TENT4B: variants seen among roughly 807,000 people sequenced by gnomAD.
TENT4B encodes PAP associated domain containing 5.
TENT4B carries 10 observed loss-of-function variants against 75.0 expected under a neutral mutation model. The ratio of observed to expected loss-of-function variants is 0.13; its 90% CI spans 0.08 to 0.23. The LOEUF is 0.23. Ranked by LOEUF, TENT4B falls within the 10% of genes least tolerant of loss-of-function variation. The probability of loss-of-function intolerance (pLI) is 1.00; values close to 1 mark genes in which losing one functional copy is unlikely to be tolerated. For synonymous variants in TENT4B, 350 were observed against 357.7 expected, an observed-to-expected ratio of 0.98 and a Z score of 0.24; for missense variants, 579 against 893.8, an observed-to-expected ratio of 0.65 and a Z score of 4.49.
At chr16:50,197,003 A>G (rs1462757083) in intron 1 of TENT4B, among the ~76,000 whole-genome samples, 6 of 151,660 alleles carry the variant, frequency 4.0e-5, no homozygotes, top group Non-Finnish European at 1.5e-5. Flanking sequence ...GCTACTTGGG[A>G]GGCTAAGTCA....
intron 11 of TENT4B, among the ~76,000 whole-genome samples, chr16:50,228,611 T>C (rs964197860): frequency 1.7e-4 from 14 of 82,374 alleles, no homozygotes; most frequent in Non-Finnish European, 3.1e-4. Context: ...ATAGGCCTCT[T>C]GGCTGTAACC....
In TENT4B at chr16:50,232,054, G is replaced by A. The variant is rs756780894; in HGVS notation, c.*2726G>A. The A allele has an allele frequency of 4.5e-4, 446 of 985,226 alleles. No individual in the cohort carries two copies. Among genetic ancestry groups the A allele is most frequent in the Non-Finnish European group, 5.2e-4 (429 of 829,886 alleles). The allele number at this position is 985,226 out of a possible 1,614,324, so 61.0% of individuals were successfully genotyped here. A position where few individuals can be genotyped will look rare whatever the true frequency, so the allele number is the denominator to read the frequency against. On this transcript the variant is annotated 3_prime_UTR_variant, in exon 12 of 12. Transcript: ENST00000561678. ...CTGGTGACATTTCTCAGGCAGTCAT[G>A]TATGTGTACCTGGCCATTAGAAATA...
chr16:50,223,262 A>G lies in TENT4B; in HGVS notation c.1256A>G (p.Asn419Ser), dbSNP rs768159823. The change falls in exon 7 of 12, where the codon AAT becomes AGT. Residue 419 changes from asparagine to serine, a missense_variant. This residue lies in a region of TENT4B where 71 missense variants were observed against 210.6 expected (regional missense o/e 0.34). Transcript: ENST00000561678. ...EFFELYGRHF[N>S]YLKTGIRIKD... ...TTTGAATTATATGGACGACACTTCA[A>G]TTATTTAAAGACTGGCATCCGGATA... 3 of 1,613,812 alleles carry G rather than the reference A, an allele frequency of 1.9e-6. No homozygotes were observed. The highest frequency in any genetic ancestry group is 2.5e-6 in the Non-Finnish European group (3 of 1,179,740).
At chr16:50,203,907 G>A (rs1339234068) in intron 1 of TENT4B, among the ~76,000 whole-genome samples, 2 of 152,330 alleles carry the variant, frequency 1.3e-5, no homozygotes, top group East Asian at 1.9e-4. Context: ...CCACGGGTAG[G>A]CCTGGTCTGC....
intron 1 of TENT4B, among the ~76,000 whole-genome samples, chr16:50,209,196 C>A (rs1250907336): frequency 7.9e-5 from 12 of 152,288 alleles, no homozygotes; most frequent in African/African-American, 2.9e-4. Context: ...TGCAGTTTTT[C>A]TATGGATCTG....
chr16:50,228,437 A>G (rs2032152458), intron 11 of TENT4B, among the ~76,000 whole-genome samples: 1 of 152,206 alleles, frequency 6.6e-6, no homozygotes, highest in Non-Finnish European at 1.5e-5. Context: ...GTTGATTAAC[A>G]TTAGCTTGGA....
At chr16:50,225,403 T>A in intron 10 of TENT4B, 118 bp downstream of exon 10, 1 of 951,832 alleles carries the variant, frequency 1.1e-6, no homozygotes, top group African/African-American at 1.6e-5. Flanking sequence ...TGGGATATTT[T>A]AATAACTTTC....
chr16:50,197,879 A>G (rs191844704), intron 1 of TENT4B, among the ~76,000 whole-genome samples: 2 of 152,148 alleles, frequency 1.3e-5, no homozygotes, highest in Non-Finnish European at 1.5e-5. Flanking sequence ...CATTTTGGTT[A>G]TAGTTCATTA....
At chr16:50,153,085 C>G, upstream of TENT4B, 1 of 1,347,264 alleles carries the variant, frequency 7.4e-7, no homozygotes, top group African/African-American at 1.5e-5. Context: ...CAGGCGGTTG[C>G]GGCCCCGTCG....
At chr16:50,179,951 T>C (rs560606129) in intron 1 of TENT4B, among the ~76,000 whole-genome samples, 2 of 152,186 alleles carry the variant, frequency 1.3e-5, no homozygotes, top group South Asian at 2.1e-4. Flanking sequence ...ATGGGCTCAG[T>C]GGGCTTGATA....
intron 5 of TENT4B, among the ~76,000 whole-genome samples, chr16:50,219,664 TTCTC>T (rs1267021935): frequency 6.6e-6 from 1 of 151,746 alleles, no homozygotes; most frequent in South Asian, 2.1e-4. Flanking sequence ...TATTCTCATT[TTCTC>T]TCTCTCCCTC....
chr16:50,165,495 AT>A (rs34781206), intron 1 of TENT4B, among the ~76,000 whole-genome samples: 101,308 of 152,030 alleles, frequency 0.67, 35,624 homozygotes, highest in Non-Finnish European at 0.76. Context: ...TGGTTTTCAT[AT>A]ATTAGAAGGT....
At chr16:50,165,200 T>G (rs2038076681) in intron 1 of TENT4B, among the ~76,000 whole-genome samples, 1 of 152,110 alleles carries the variant, frequency 6.6e-6, no homozygotes. Flanking sequence ...TTATTTTTTT[T>G]CTTTTGTCTT....
intron 5 of TENT4B, among the ~76,000 whole-genome samples, chr16:50,218,429 C>G (rs555658489): frequency 6.6e-6 from 1 of 151,998 alleles, no homozygotes; most frequent in Non-Finnish European, 1.5e-5. Context: ...CTCCGCCTCC[C>G]GGGTTCAAGC....
chr16:50,175,516 C>T (rs1360142973), intron 1 of TENT4B, among the ~76,000 whole-genome samples: 2 of 152,090 alleles, frequency 1.3e-5, no homozygotes, highest in African/African-American at 2.4e-5. Flanking sequence ...GATGGAGTCT[C>T]GCTTTGTCGC....
At chr16:50,155,272 GGTGTGTGTGTGTGTGTGTGTGT>G (rs60683678) in intron 1 of TENT4B, among the ~76,000 whole-genome samples, 1 of 135,372 alleles carries the variant, frequency 7.4e-6, no homozygotes, top group African/African-American at 2.8e-5. Flanking sequence ...GGGTCTCGTG[GGTGTGTGTGTGTGTGTGTGTGT>G]GTGTGTGTGT....
Position 50,153,668 on chromosome 16 carries a change from C to A in TENT4B, c.47C>A (p.Ser16Tyr). The A allele has an allele frequency of 9.8e-7, 1 of 1,016,316 alleles. No individual in the cohort carries two copies. The highest frequency in any genetic ancestry group is 1.2e-6 in the Non-Finnish European group (1 of 851,076). The allele number at this position is 1,016,316 out of a possible 1,614,324, so 63.0% of individuals were successfully genotyped here. ...AWFQPEQLGP[S>Y]NSLWMQIWET... ...TTTCAGCCAGAGCAGCTCGGACCGT[C>A]CAACAGTCTGTGGATGCAGATCTGG... Residue 16 changes from serine to tyrosine, a missense_variant, in exon 1 of 12, where the codon TCC (serine) becomes TAC (tyrosine). Transcript: ENST00000561678.
Position 50,220,428 on chromosome 16 carries a change from C to T in TENT4B, c.1039-1878C>T, listed in dbSNP as rs549744537. Among the ~76,000 whole-genome samples, 133 of 152,066 alleles carry T rather than the reference C, an allele frequency of 8.7e-4. 1 individual carries two copies. The highest frequency in any genetic ancestry group is 3.1e-3 in the African/African-American group (129 of 41,454). On this transcript the variant is annotated intron_variant, in intron 5 of 11. Coordinates refer to ENST00000561678, the MANE Select transcript of TENT4B (RefSeq NM_001365324.3). Reference sequence around the variant, plus strand: ...CTCCTGGGCTCAAGCAGTCCTCCTTCCTTGACCTCCCAAAGTGTTGGGATT... The same window carrying T: ...CTCCTGGGCTCAAGCAGTCCTCCTTTCTTGACCTCCCAAAGTGTTGGGATT...
At chr16:50,222,043 G>A (rs1490675666) in intron 5 of TENT4B, among the ~76,000 whole-genome samples, 1 of 152,112 alleles carries the variant, frequency 6.6e-6, no homozygotes, top group Non-Finnish European at 1.5e-5. Context: ...AGGATTACAG[G>A]CATGAGCCAC....
Sources: gnomAD v4.1 joint callset for allele counts (sites outside exome capture counted in the v4.1 genomes callset) on GRCh38, gnomAD v4.1.1 for gene constraint, gnomAD v4.1.1 regional missense constraint, MANE v1.5 for transcripts, NCBI Gene and HGNC (gene_info 2026-07-23, HGNC 2026-07-21) for gene names.